Variants in NALF1 observed in about 807,000 individuals in gnomAD.
NALF1 encodes NALCN channel auxiliary factor 1.
NALF1 carries 3 observed loss-of-function variants against 48.4 expected under a neutral mutation model. The ratio of observed to expected loss-of-function variants is 0.06; its 90% CI spans 0.03 to 0.16. The LOEUF (loss-of-function observed/expected upper bound fraction) is 0.16. Among genes scored for constraint, NALF1 ranks in the 10% least tolerant of loss-of-function variants. NALF1 has a pLI of 1.00. For missense variants in NALF1, 526 were observed against 571.5 expected (o/e 0.92, Z 0.81); for synonymous variants, 262 against 245.7 (o/e 1.07, Z -0.62).
chr13:107,316,866 C>A (rs76281627), intron 1 of NALF1, among the ~76,000 whole-genome samples: 4,493 of 152,146 alleles, frequency 0.03, 88 homozygotes, highest in Non-Finnish European at 0.045. Context: ...TTGCAACTGG[C>A]TGCCTACTTT....
At chr13:107,339,229 C>A (rs962398089) in intron 1 of NALF1, among the ~76,000 whole-genome samples, 2 of 151,006 alleles carry the variant, frequency 1.3e-5, no homozygotes, top group Non-Finnish European at 2.9e-5. Flanking sequence ...ATTTTAAAAA[C>A]CTTTATCTTC....
intron 1 of NALF1, among the ~76,000 whole-genome samples, chr13:107,612,882 C>T (rs1879273335): frequency 1.3e-5 from 2 of 151,964 alleles, no homozygotes; most frequent in African/African-American, 2.4e-5. Flanking sequence ...ATTTGTCTAT[C>T]TAACTATCAA....
In NALF1 at chr13:107,687,040, G is replaced by A. The variant is rs935121127; in HGVS notation, c.915+178642C>T. Among the ~76,000 whole-genome samples the A allele has an allele frequency of 6.6e-5, 10 of 152,144 alleles. No individual in the cohort carries two copies. In the South Asian group the frequency reaches 8.3e-4, roughly 13 times the overall value. On this transcript the variant is annotated intron_variant, in intron 1 of 2. Coordinates refer to ENST00000375915, the MANE Select transcript of NALF1 (RefSeq NM_001080396.3). ...GCCTTATTCACAATAACAAGATCACGGAATCAACTTAAGCGTCCATCAATG... is the reference window on the plus strand; with the variant it reads ...GCCTTATTCACAATAACAAGATCACAGAATCAACTTAAGCGTCCATCAATG...
At chr13:107,800,717 TAA>T (rs111288800) in intron 1 of NALF1, among the ~76,000 whole-genome samples, 19 of 147,648 alleles carry the variant, frequency 1.3e-4, no homozygotes, top group African/African-American at 2.9e-4. Context: ...ATAATACATA[TAA>T]GATGTTATAA....
chr13:107,722,400 C>T (rs965693024), intron 1 of NALF1, among the ~76,000 whole-genome samples: 2 of 152,088 alleles, frequency 1.3e-5, no homozygotes, highest in African/African-American at 4.8e-5. Context: ...TATTTTATCA[C>T]CAAGAAAACT....
intron 1 of NALF1, among the ~76,000 whole-genome samples, chr13:107,547,029 A>G (rs899232590): frequency 7.2e-5 from 11 of 152,240 alleles, no homozygotes; most frequent in Non-Finnish European, 1.0e-4. Context: ...TAATACCTGT[A>G]TCATAGTTTT....
chr13:107,261,659 G>T (rs887451228), intron 1 of NALF1, among the ~76,000 whole-genome samples: 1 of 152,070 alleles, frequency 6.6e-6, no homozygotes, highest in Non-Finnish European at 1.5e-5. Context: ...TTATCATCTG[G>T]GGGTAGGCAG....
In NALF1 at chr13:107,362,623, C is replaced by A. The variant is rs554433889; in HGVS notation, c.916-151868G>T. ...ACCTCATCTTAATCATCTGTGAAGG[C>A]CTTATTTCCAAATAAGGTCACATTA... On this transcript the variant is annotated intron_variant, in intron 1 of 2. Coordinates refer to ENST00000375915, the MANE Select transcript of NALF1 (RefSeq NM_001080396.3). The surrounding 1 kb of genome is among the most constrained non-coding windows in gnomAD (Gnocchi z 4.6). Among the ~76,000 whole-genome samples the A allele has an allele frequency of 2.0e-5, 3 of 152,090 alleles. 1 individual carries two copies. The highest frequency in any genetic ancestry group is 2.1e-4 in the South Asian group (1 of 4,818).
chr13:107,862,630 T>A (rs140646899), intron 1 of NALF1, among the ~76,000 whole-genome samples: 1,578 of 151,984 alleles, frequency 0.01, 27 homozygotes, highest in African/African-American at 0.036. Flanking sequence ...AAATATTGAG[T>A]GAATATTTTT....
At chr13:107,364,216 T>C (rs781318578) in intron 1 of NALF1, among the ~76,000 whole-genome samples, 3 of 152,254 alleles carry the variant, frequency 2.0e-5, no homozygotes, top group Non-Finnish European at 4.4e-5. Flanking sequence ...GCATTCAAAA[T>C]AATTTTGATA....
intron 1 of NALF1, among the ~76,000 whole-genome samples, chr13:107,780,554 A>G (rs965437207): frequency 3.3e-5 from 5 of 151,644 alleles, no homozygotes; most frequent in Non-Finnish European, 7.4e-5. Context: ...GCTGGAGTGC[A>G]ATGATGTGAT....
At chr13:107,865,633 G>A (rs1455232670) in intron 1 of NALF1, 49 bp downstream of exon 1, 7 of 1,573,336 alleles carry the variant, frequency 4.4e-6, no homozygotes, top group Non-Finnish European at 6.0e-6. Context: ...CCCCAACCAA[G>A]CAGAGATAGG....
At chr13:107,488,543 T>C (rs904637505) in intron 1 of NALF1, among the ~76,000 whole-genome samples, 2 of 152,188 alleles carry the variant, frequency 1.3e-5, no homozygotes, top group African/African-American at 2.4e-5. Flanking sequence ...TCTCAATAGA[T>C]GCAGAAAAGT....
At chr13:107,263,249 G>GACACACACACACACACAAACACACAC (rs1880970423) in intron 1 of NALF1, among the ~76,000 whole-genome samples, 1 of 138,368 alleles carries the variant, frequency 7.2e-6, no homozygotes, top group Non-Finnish European at 1.6e-5. Flanking sequence ...AATGCTAACA[G>GACACACACACACACACAAACACACAC]ACACACACAC....
chr13:107,288,526 C>CT (rs368901866), intron 1 of NALF1, among the ~76,000 whole-genome samples: 33,623 of 119,100 alleles, frequency 0.28, 4,968 homozygotes, highest in South Asian at 0.56. Context: ...AGCCTGAAAA[C>CT]TTTTTTTTTT....
intron 1 of NALF1, among the ~76,000 whole-genome samples, chr13:107,267,551 T>C (rs1038062373): frequency 6.6e-6 from 1 of 152,164 alleles, no homozygotes; most frequent in Non-Finnish European, 1.5e-5. Flanking sequence ...CTAAAAAAAA[T>C]GTATTCCACT....
chr13:107,267,200 G>A (rs1344102987), intron 1 of NALF1, among the ~76,000 whole-genome samples: 2 of 152,170 alleles, frequency 1.3e-5, no homozygotes, highest in African/African-American at 2.4e-5. Context: ...CACTGATCAC[G>A]TATTTGGACC....
At chr13:107,373,142 G>A (rs916277522) in intron 1 of NALF1, among the ~76,000 whole-genome samples, 1 of 152,072 alleles carries the variant, frequency 6.6e-6, no homozygotes, top group African/African-American at 2.4e-5. Context: ...CAGAGAACAA[G>A]GTTCTTACTA....
chr13:107,744,370 T>C (rs1241080819), intron 1 of NALF1, among the ~76,000 whole-genome samples: 2 of 152,242 alleles, frequency 1.3e-5, no homozygotes, highest in East Asian at 1.9e-4. Context: ...ACTGTCATTG[T>C]TGTTAAAGGA....
Sources: allele counts gnomAD v4.1 joint callset (sites outside exome capture counted in the v4.1 genomes callset), GRCh38; gene constraint gnomAD v4.1.1; non-coding constraint Gnocchi (gnomAD v3.1); transcripts MANE v1.5; gene names NCBI Gene and HGNC (gene_info 2026-07-23, HGNC 2026-07-21).